Variants in CNTN5 observed in about 807,000 individuals in gnomAD.
CNTN5 encodes the protein contactin-5.
CNTN5 carries 77 observed loss-of-function variants against 129.1 expected under a neutral mutation model. The ratio of observed to expected loss-of-function variants is 0.60; its 90% CI spans 0.50 to 0.72. The LOEUF is 0.72. Ranked by LOEUF, CNTN5 falls within the 30% of genes least tolerant of loss-of-function variation. The pLI is 0.00. For missense variants in CNTN5, 1,478 were observed against 1,328.8 expected (o/e 1.11, Z -1.75); for synonymous variants, 509 against 465.6 (o/e 1.09, Z -1.20).
chr11:100,328,383 C>G (rs908180499), intron 21 of CNTN5, among the ~76,000 whole-genome samples: 2 of 152,070 alleles, frequency 1.3e-5, no homozygotes, highest in African/African-American at 4.8e-5. Context: ...GAGACCGTCC[C>G]TTCTTGCAAT....
chr11:99,639,309 C>T (rs938828612), intron 3 of CNTN5, among the ~76,000 whole-genome samples: 1 of 152,162 alleles, frequency 6.6e-6, no homozygotes, highest in African/African-American at 2.4e-5. Context: ...TCCTCCTGGG[C>T]CTCTGGGCCT....
intron 3 of CNTN5, among the ~76,000 whole-genome samples, chr11:99,637,074 T>TCACTTTGA (rs1951591125): frequency 1.4e-5 from 2 of 145,640 alleles, no homozygotes; most frequent in Non-Finnish European, 3.0e-5. Flanking sequence ...ATAGGCACTG[T>TCACTTTGA]CACTTTGATG....
intron 3 of CNTN5, among the ~76,000 whole-genome samples, chr11:99,698,673 A>C (rs377500567): frequency 1.3e-5 from 2 of 151,534 alleles, no homozygotes; most frequent in Non-Finnish European, 3.0e-5. Context: ...CTGACAAACC[A>C]ATACTCCCAT....
chr11:99,749,062 T>G (rs1249368838), intron 3 of CNTN5, among the ~76,000 whole-genome samples: 1 of 152,202 alleles, frequency 6.6e-6, no homozygotes, highest in Non-Finnish European at 1.5e-5. Context: ...AGCATGTGTA[T>G]TCAGTCAACA....
At chr11:100,040,721 T>G (rs548912617) in intron 9 of CNTN5, among the ~76,000 whole-genome samples, 1 of 152,300 alleles carries the variant, frequency 6.6e-6, no homozygotes, top group East Asian at 1.9e-4. Flanking sequence ...AGTTTGATCT[T>G]GGACTGCTGT....
At chr11:99,482,365 C>T (rs1344893094) in intron 2 of CNTN5, among the ~76,000 whole-genome samples, 1 of 152,100 alleles carries the variant, frequency 6.6e-6, no homozygotes, top group African/African-American at 2.4e-5. Flanking sequence ...AATTATAGTG[C>T]AAACTTTAGT....
chr11:99,185,703 T>G (rs978124543), intron 1 of CNTN5, among the ~76,000 whole-genome samples: 2 of 151,834 alleles, frequency 1.3e-5, no homozygotes, highest in Non-Finnish European at 2.9e-5. Flanking sequence ...GATTTAAATT[T>G]TGTACTTAGT....
chr11:99,755,166 A>G (rs1482144108), intron 3 of CNTN5, among the ~76,000 whole-genome samples: 2 of 152,196 alleles, frequency 1.3e-5, no homozygotes, highest in African/African-American at 4.8e-5. Flanking sequence ...GGTGTTAATT[A>G]TGAATGAAAC....
intron 2 of CNTN5, among the ~76,000 whole-genome samples, chr11:99,467,937 A>G (rs1945010424): frequency 6.6e-6 from 1 of 152,026 alleles, no homozygotes; most frequent in African/African-American, 2.4e-5. Context: ...AGATTCTAAA[A>G]TTTCCTCTTC....
Position 99,302,243 on chromosome 11 carries a change from G to A in CNTN5, c.-209-23103G>A, listed in dbSNP as rs531620710. The stretch of plus-strand genomic sequence containing the variant: ...ATTAAAGCTGAAAAGTAAGAAACAG[G>A]AAATATAAAAACAATAGTGAAAAGT... On this transcript the variant is annotated intron_variant, in intron 1 of 24. Coordinates refer to ENST00000524871, the MANE Select transcript of CNTN5 (RefSeq NM_014361.4). Among the ~76,000 whole-genome samples the A allele has an allele frequency of 1.8e-3, 268 of 151,498 alleles. 1 individual carries two copies. Among genetic ancestry groups the A allele is most frequent in the Middle Eastern group, 3.4e-3 (1 of 294 alleles).
intron 16 of CNTN5, among the ~76,000 whole-genome samples, chr11:100,231,126 T>A (rs1251544553): frequency 6.6e-6 from 1 of 152,156 alleles, no homozygotes; most frequent in Admixed American, 6.5e-5. Flanking sequence ...AGGATTGGAA[T>A]AAATGCTTTC....
chr11:99,775,314 A>T (rs1454767085), intron 3 of CNTN5, among the ~76,000 whole-genome samples: 1 of 151,458 alleles, frequency 6.6e-6, no homozygotes, highest in Non-Finnish European at 1.5e-5. Flanking sequence ...AATGAAAAAT[A>T]ATGTAAAATG....
intron 1 of CNTN5, among the ~76,000 whole-genome samples, chr11:99,152,522 G>A (rs1056244246): frequency 2.6e-4 from 39 of 151,982 alleles, no homozygotes; most frequent in African/African-American, 9.4e-4. Flanking sequence ...CCTTTACTTT[G>A]AGCCTATGGG....
intron 15 of CNTN5, among the ~76,000 whole-genome samples, chr11:100,221,149 G>A (rs1432435902): frequency 6.6e-6 from 1 of 152,154 alleles, no homozygotes; most frequent in African/African-American, 2.4e-5. Flanking sequence ...CCTCTGAGCT[G>A]TGTCTAAAAG....
intron 2 of CNTN5, among the ~76,000 whole-genome samples, chr11:99,377,473 C>T (rs1940254749): frequency 6.6e-6 from 1 of 151,680 alleles, no homozygotes; most frequent in African/African-American, 2.4e-5. Flanking sequence ...TTTGTATTGT[C>T]CTATAGTCGT....
intron 15 of CNTN5, among the ~76,000 whole-genome samples, chr11:100,220,295 T>A (rs567151960): frequency 4.0e-5 from 6 of 151,396 alleles, no homozygotes; most frequent in Admixed American, 2.6e-4. Flanking sequence ...AAAAAAAAAA[T>A]TATCCTCTTG....
At chr11:99,378,655 AG>A (rs1255625309) in intron 2 of CNTN5, among the ~76,000 whole-genome samples, 2 of 152,106 alleles carry the variant, frequency 1.3e-5, no homozygotes, top group African/African-American at 4.8e-5. Flanking sequence ...TATACTAATC[AG>A]CACCTCTAGA....
chr11:100,263,318 C>T (rs75329025), intron 17 of CNTN5, among the ~76,000 whole-genome samples: 2 of 152,210 alleles, frequency 1.3e-5, no homozygotes, highest in East Asian at 3.9e-4. Context: ...AACCTTAAAA[C>T]TCAACCAGAA....
chr11:99,044,127 G>T (rs932325467), intron 1 of CNTN5, among the ~76,000 whole-genome samples: 1 of 152,068 alleles, frequency 6.6e-6, no homozygotes, highest in South Asian at 2.1e-4. Context: ...TCTATTATGA[G>T]ATATTGCACA....
Sources: gnomAD v4.1 joint callset for allele counts (sites outside exome capture counted in the v4.1 genomes callset) on GRCh38, gnomAD v4.1.1 for gene constraint, MANE v1.5 for transcripts, NCBI Gene and HGNC (gene_info 2026-07-23, HGNC 2026-07-21) for gene names.